DHX57: variants seen among roughly 807,000 people sequenced by gnomAD.
DHX57 encodes the protein DExH-box helicase 57, also known as putative ATP-dependent RNA helicase DHX57.
A neutral mutation model predicts 156.2 loss-of-function variants in DHX57; 105 were observed. The ratio of observed to expected loss-of-function variants is 0.67; its 90% CI spans 0.57 to 0.79. The LOEUF is 0.79. Ranked by LOEUF, DHX57 falls within the 30% of genes least tolerant of loss-of-function variation. The pLI is 0.00. For synonymous variants in DHX57, 704 were observed against 595.6 expected, an observed-to-expected ratio of 1.18 and a Z score of -2.65; for missense variants, 1,847 against 1,661.9, an observed-to-expected ratio of 1.11 and a Z score of -1.94.
At chr2:38,842,262 A>G (rs1296019849) in intron 12 of DHX57, among the ~76,000 whole-genome samples, 1 of 152,226 alleles carries the variant, frequency 6.6e-6, no homozygotes, top group Non-Finnish European at 1.5e-5. Context: ...TGTCAAGGTC[A>G]CTAAAAGACA....
intron 2 of DHX57, among the ~76,000 whole-genome samples, chr2:38,864,427 T>G (rs1295048224): frequency 6.6e-6 from 1 of 152,136 alleles, no homozygotes; most frequent in Admixed American, 6.6e-5. Context: ...ATATAATCTC[T>G]TATGATTTGT....
In DHX57 at chr2:38,823,034, C is replaced by G. The variant is rs777799902; in HGVS notation, c.3250G>C (p.Ala1084Pro). ...FGSIFRCLDPALTIAASLAFK... is the reference protein window; with the variant it reads ...FGSIFRCLDPPLTIAASLAFK... Reference sequence around the variant, plus strand: ...GCCAAACTGGCAGCAATGGTGAGAGCAGGATCCAAACAGCGGAAGATAGAC... The same window carrying G: ...GCCAAACTGGCAGCAATGGTGAGAGGAGGATCCAAACAGCGGAAGATAGAC... The change falls in exon 17 of 24, where the codon GCT becomes CCT. Residue 1084 changes from alanine (A) to proline (P), a missense_variant. Coordinates refer to ENST00000457308, the MANE Select transcript of DHX57 (RefSeq NM_198963.3). 8.7e-6 allele frequency: 14 copies of G among 1,614,030 alleles called. No homozygotes were observed. Among genetic ancestry groups the G allele is most frequent in the Non-Finnish European group, 4.2e-6 (5 of 1,180,032 alleles).
chr2:38,846,922 A>C, intron 11 of DHX57, 97 bp downstream of exon 11: 1 of 998,244 alleles, frequency 1.0e-6, no homozygotes. Context: ...CTGGCCCCAA[A>C]AGATCCTCCC....
intron 21 of DHX57, chr2:38,811,621 T>A: frequency 7.3e-7 from 1 of 1,369,982 alleles, no homozygotes; most frequent in Non-Finnish European, 1.0e-6. Flanking sequence ...AGGCCGGCAC[T>A]GTAGGCCAGA....
chr2:38,854,238 C>A (rs754510090), intron 8 of DHX57, 60 bp from the exon 9 acceptor site: 2 of 1,560,234 alleles, frequency 1.3e-6, no homozygotes, highest in South Asian at 1.2e-5. Flanking sequence ...GGAAACATTA[C>A]TGGAAAGCCA....
At chr2:38,856,059 C>T (rs139014007) in intron 7 of DHX57, among the ~76,000 whole-genome samples, 205 of 152,168 alleles carry the variant, frequency 1.3e-3, no homozygotes, top group African/African-American at 4.8e-3. Flanking sequence ...TGCAGTGAGC[C>T]GAGATCATGC....
rs1669772161 is a variant in DHX57, at chr2:38,803,067, A to G, written c.3817-152T>C. ...TTCCTGAGCTCCAGATCTGCAGTAT[A>G]ACTATTGACTTGCCATCTCCTCTTG... On this transcript the variant is annotated intron_variant, in intron 22 of 23. Coordinates refer to ENST00000457308, the MANE Select transcript of DHX57 (RefSeq NM_198963.3). 5.8e-6 allele frequency: 4 copies of G among 692,228 alleles called. No individual in the cohort carries two copies. The South Asian group carries it at 7.4e-5, about 13-fold the overall frequency. The allele number at this position is 692,228 out of a possible 1,614,324, so 42.9% of individuals were successfully genotyped here.
At chr2:38,868,147 T>C in intron 2 of DHX57, 35 bp downstream of exon 2, 1 of 1,607,506 alleles carries the variant, frequency 6.2e-7, no homozygotes, top group Non-Finnish European at 8.5e-7. Context: ...GTTGATACCA[T>C]TTCCATATTT....
chr2:38,813,444 C>T (rs569732580), intron 21 of DHX57, among the ~76,000 whole-genome samples: 160 of 150,864 alleles, frequency 1.1e-3, no homozygotes, highest in African/African-American at 3.7e-3. Context: ...AATCTCGGCT[C>T]ATTGCAAGCT....
At chr2:38,826,444 G>A (rs1671089380) in intron 15 of DHX57, 72 bp downstream of exon 15, 4 of 1,514,588 alleles carry the variant, frequency 2.6e-6, no homozygotes. Context: ...AATAGCATTA[G>A]CCACTAACAA....
intron 21 of DHX57, among the ~76,000 whole-genome samples, chr2:38,809,016 G>C (rs1385451377): frequency 2.0e-5 from 3 of 152,090 alleles, no homozygotes; most frequent in Non-Finnish European, 4.4e-5. Flanking sequence ...CTGTGGCCTT[G>C]AACTCCTGGG....
rs888699793 is a variant in DHX57 at position 38,818,098 on chromosome 2, G to A, written c.3471+779C>T. On this transcript the variant is annotated intron_variant, in intron 19 of 23. Coordinates refer to ENST00000457308, the MANE Select transcript of DHX57 (RefSeq NM_198963.3). ...TAGTTCTTTGGTTTTGGGGAGAGGG[G>A]AAGGGGATTAGAGATGGCCATGGAC... Among the ~76,000 whole-genome samples the A allele has an allele frequency of 5.3e-5, 8 of 152,148 alleles. 1 individual carries two copies. Among genetic ancestry groups the A allele is most frequent in the African/African-American group, 1.9e-4 (8 of 41,420 alleles).
intron 13 of DHX57, among the ~76,000 whole-genome samples, chr2:38,832,680 G>A (rs1448016073): frequency 1.3e-5 from 2 of 151,564 alleles, no homozygotes; most frequent in Non-Finnish European, 2.9e-5. Flanking sequence ...CAAGTAGCTG[G>A]GATTACAGGT....
intron 21 of DHX57, chr2:38,810,689 G>A: frequency 1.4e-6 from 1 of 709,236 alleles, no homozygotes; most frequent in South Asian, 1.4e-5. Context: ...AAGTCACACT[G>A]AGGGTTGTGC....
chr2:38,843,699 T>A (rs1672128155), intron 11 of DHX57, among the ~76,000 whole-genome samples: 1 of 152,198 alleles, frequency 6.6e-6, no homozygotes. Flanking sequence ...TTAGTGACAA[T>A]CCTATTAGAC....
chr2:38,836,808 A>G (rs1163020932), intron 13 of DHX57, among the ~76,000 whole-genome samples: 1 of 150,666 alleles, frequency 6.6e-6, no homozygotes, highest in African/African-American at 2.4e-5. Context: ...GAAACAAAAG[A>G]GAATACAGTA....
chr2:38,858,936 T>C, intron 5 of DHX57, 100 bp from the exon 6 acceptor site: 3 of 1,241,140 alleles, frequency 2.4e-6, no homozygotes, highest in South Asian at 1.5e-5. Context: ...AAAGTCAAAA[T>C]GGAGAAAAAG....
At chr2:38,863,864 T>G (rs147384486) in intron 2 of DHX57, among the ~76,000 whole-genome samples, 1 of 151,750 alleles carries the variant, frequency 6.6e-6, no homozygotes, top group Non-Finnish European at 1.5e-5. Flanking sequence ...AATACAAAAA[T>G]TATCTGGGCG....
intron 9 of DHX57, among the ~76,000 whole-genome samples, chr2:38,850,542 C>T (rs1672529659): frequency 6.6e-6 from 1 of 151,998 alleles, no homozygotes; most frequent in African/African-American, 2.4e-5. Context: ...GATTACTGAA[C>T]ATATAATCAG....
Sources: gnomAD v4.1 joint callset for allele counts (sites outside exome capture counted in the v4.1 genomes callset) on GRCh38, gnomAD v4.1.1 for gene constraint, MANE v1.5 for transcripts, NCBI Gene and HGNC (gene_info 2026-07-23, HGNC 2026-07-21) for gene names.